FRMPD2: variants seen among roughly 807,000 people sequenced by gnomAD.
FRMPD2 encodes the protein FERM and PDZ domain containing 2.
FRMPD2 carries 96 observed loss-of-function variants against 140.1 expected under a neutral mutation model. That is an observed-to-expected ratio of 0.69 (90% CI 0.58 to 0.81). The LOEUF is 0.81. FRMPD2 is among the 40% of genes least tolerant of loss of function. FRMPD2 has a pLI of 0.00. For missense variants in FRMPD2, 1,240 were observed against 1,447.4 expected (o/e 0.86, Z 2.32); for synonymous variants, 449 against 547.6 (o/e 0.82, Z 2.52).
intron 22 of FRMPD2, chr10:48,176,473 T>C (rs1192163813): frequency 2.0e-5 from 3 of 153,358 alleles, no homozygotes; most frequent in Non-Finnish European, 4.4e-5. Context: ...CTGGTAGACA[T>C]AAAGTTTAAA....
intron 20 of FRMPD2, among the ~76,000 whole-genome samples, chr10:48,181,714 T>A (rs1838552747): frequency 6.6e-6 from 1 of 151,800 alleles, no homozygotes; most frequent in Non-Finnish European, 1.5e-5. Flanking sequence ...ACCTAAATTT[T>A]CCTGTATCTA....
intron 17 of FRMPD2, 21 bp from the exon 18 acceptor site, chr10:48,185,666 C>G (rs748588613): frequency 4.4e-6 from 7 of 1,580,108 alleles, no homozygotes; most frequent in Non-Finnish European, 6.1e-6. Flanking sequence ...AATCAGAGCA[C>G]CACATTGTGC....
At chr10:48,259,753 G>A (rs1318218354) in intron 1 of FRMPD2, among the ~76,000 whole-genome samples, 3 of 151,864 alleles carry the variant, frequency 2.0e-5, no homozygotes, top group Non-Finnish European at 4.4e-5. Flanking sequence ...TAGACTTATA[G>A]AGCAAGTACA....
chr10:48,194,828 A>T (rs539888784), intron 15 of FRMPD2, among the ~76,000 whole-genome samples: 1 of 152,244 alleles, frequency 6.6e-6, no homozygotes, highest in Non-Finnish European at 1.5e-5. Flanking sequence ...CCTCAGCTTC[A>T]TGGGGCTGAC....
chr10:48,236,060 TG>T (rs199728710), intron 9 of FRMPD2, among the ~76,000 whole-genome samples: 1 of 142,058 alleles, frequency 7.0e-6, no homozygotes, highest in African/African-American at 3.1e-5. Context: ...TTTTTGTTTT[TG>T]TTTTTTGTTT....
intron 10 of FRMPD2, among the ~76,000 whole-genome samples, chr10:48,225,541 T>C (rs1478876658): frequency 6.6e-6 from 1 of 152,202 alleles, no homozygotes; most frequent in Admixed American, 6.5e-5. Context: ...CACATGTACT[T>C]CTCTCTTTTG....
chr10:48,167,701 CT>C (rs1389937060), intron 27 of FRMPD2, among the ~76,000 whole-genome samples: 2 of 151,462 alleles, frequency 1.3e-5, no homozygotes, highest in Non-Finnish European at 2.9e-5. Context: ...TATCTGTCAA[CT>C]TGGCTAGGCC....
At chr10:48,197,563 C>G (rs575794903) in intron 15 of FRMPD2, among the ~76,000 whole-genome samples, 3 of 152,256 alleles carry the variant, frequency 2.0e-5, no homozygotes, top group Non-Finnish European at 4.4e-5. Flanking sequence ...AAGGCAGATT[C>G]AGATTCAGAT....
At chr10:48,234,151 A>C (rs1839914082) in intron 9 of FRMPD2, among the ~76,000 whole-genome samples, 1 of 152,172 alleles carries the variant, frequency 6.6e-6, no homozygotes, top group African/African-American at 2.4e-5. Flanking sequence ...GGCATGGTGC[A>C]TGGATCCAGC....
intron 17 of FRMPD2, among the ~76,000 whole-genome samples, chr10:48,186,486 C>T (rs1001175501): frequency 6.6e-5 from 10 of 152,202 alleles, no homozygotes; most frequent in South Asian, 2.1e-4. Flanking sequence ...ATGCTATTCT[C>T]GTGATAGTGA....
chr10:48,181,878 T>TATATATATATATATATATATATATA (rs1564417058), intron 20 of FRMPD2, among the ~76,000 whole-genome samples: 6 of 36,238 alleles, frequency 1.7e-4, no homozygotes, highest in Non-Finnish European at 2.8e-4. Flanking sequence ...TATATATATA[T>TATATATATATATATATATATATATA]GGCTCTCATA....
At chr10:48,239,115 T>A (rs1159608303) in intron 7 of FRMPD2, among the ~76,000 whole-genome samples, 1 of 152,124 alleles carries the variant, frequency 6.6e-6, no homozygotes, top group East Asian at 1.9e-4. Flanking sequence ...TCCCAGACAA[T>A]GGCCATTCAC....
At chr10:48,196,479 A>G (rs1412398441) in intron 15 of FRMPD2, among the ~76,000 whole-genome samples, 1 of 152,184 alleles carries the variant, frequency 6.6e-6, no homozygotes, top group Non-Finnish European at 1.5e-5. Context: ...CAGCTTTGAC[A>G]TCTCTCTCTG....
intron 1 of FRMPD2, among the ~76,000 whole-genome samples, chr10:48,266,321 G>A (rs556384106): frequency 8.5e-5 from 13 of 152,202 alleles, no homozygotes; most frequent in Admixed American, 2.0e-4. Flanking sequence ...CTGGTGACAC[G>A]AGATTTCCCA....
chr10:48,221,914 A>T (rs1419269965), intron 12 of FRMPD2, among the ~76,000 whole-genome samples: 4 of 144,718 alleles, frequency 2.8e-5, no homozygotes, highest in Admixed American at 6.8e-5. Context: ...GGATGGATGG[A>T]TGGATGGGAG....
At chr10:48,239,512 C>T in intron 7 of FRMPD2, 93 bp downstream of exon 7, 1 of 839,944 alleles carries the variant, frequency 1.2e-6, no homozygotes, top group East Asian at 2.7e-5. Flanking sequence ...CAAGAGGCTT[C>T]TTACTAATAA....
intron 22 of FRMPD2, 103 bp downstream of exon 22, chr10:48,177,944 A>G (rs536999954): frequency 9.1e-4 from 576 of 636,070 alleles, no homozygotes; most frequent in Middle Eastern, 2.2e-3. Flanking sequence ...ACATTTGTGC[A>G]AACTAAGCAC....
chr10:48,245,035 C>G (rs1326555776), intron 3 of FRMPD2, among the ~76,000 whole-genome samples, 186 bp from the exon 4 acceptor site: 1 of 152,190 alleles, frequency 6.6e-6, no homozygotes, highest in Admixed American at 6.5e-5. Context: ...AATTTGCTTT[C>G]TAGCAGAAAC....
At chr10:48,185,451 G>T in intron 18 of FRMPD2, 102 bp downstream of exon 18, 2 of 783,542 alleles carry the variant, frequency 2.6e-6, no homozygotes, top group Non-Finnish European at 2.3e-6. Flanking sequence ...GGAGAGGAGG[G>T]ATAGGAAAGG....
Sources: gnomAD v4.1 joint callset for allele counts (sites outside exome capture counted in the v4.1 genomes callset) on GRCh38, gnomAD v4.1.1 for gene constraint, MANE v1.5 for transcripts, NCBI Gene and HGNC (gene_info 2026-07-23, HGNC 2026-07-21) for gene names.